Variants in RFC5 observed in about 807,000 individuals in gnomAD.
RFC5 encodes replication factor C subunit 5, also known as A1 36 kDa subunit.
Under a neutral mutation model 44.3 loss-of-function variants are expected in RFC5, and 26 were observed. The ratio of observed to expected loss-of-function variants is 0.59; its 90% CI spans 0.43 to 0.81. RFC5 has a LOEUF of 0.81. Among genes scored for constraint, RFC5 ranks in the 40% least tolerant of loss-of-function variants. The pLI, the probability that RFC5 is intolerant of heterozygous loss-of-function variation, is 0.00. For missense variants in RFC5, 328 were observed against 418.6 expected (o/e 0.78, Z 1.89); for synonymous variants, 155 against 155.2 (o/e 1.00, Z 0.01).
intron 6 of RFC5, 67 bp downstream of exon 6, chr12:118,025,077 T>C: frequency 6.7e-7 from 1 of 1,502,908 alleles, no homozygotes. Flanking sequence ...CACTGGCTGG[T>C]TCGTATGTAG....
At chr12:118,034,539 AT>A, downstream of RFC5, 1 of 682,200 alleles carries the variant, frequency 1.5e-6, no homozygotes, top group Non-Finnish European at 2.3e-6. Context: ...TGCTGATAGG[AT>A]TAGAAAAACT....
downstream of RFC5, chr12:118,035,324 G>A: frequency 6.2e-7 from 1 of 1,613,876 alleles, no homozygotes; most frequent in Non-Finnish European, 8.5e-7. Context: ...CCTGGGTGTG[G>A]CTGGGAAGGA....
chr12:118,027,268 A>G, intron 8 of RFC5: 1 of 468,866 alleles, frequency 2.1e-6, no homozygotes, highest in South Asian at 2.9e-5. Flanking sequence ...AGATGGGAGA[A>G]AAGCTTAGGC....
chr12:118,020,112 C>T (rs1351025838), intron 3 of RFC5, among the ~76,000 whole-genome samples: 1 of 152,214 alleles, frequency 6.6e-6, no homozygotes, highest in Non-Finnish European at 1.5e-5. Context: ...GAAGGCTGAG[C>T]CCTACTGACT....
At chr12:118,023,507 G>A (rs541744620) in intron 5 of RFC5, among the ~76,000 whole-genome samples, 58 of 137,876 alleles carry the variant, frequency 4.2e-4, no homozygotes, top group Non-Finnish European at 7.0e-4. Context: ...GGAGAGGTGG[G>A]GGAGGAGGAG....
chr12:118,028,503 A>AAC (rs2031107880), intron 9 of RFC5, among the ~76,000 whole-genome samples: 3 of 151,758 alleles, frequency 2.0e-5, no homozygotes, highest in South Asian at 2.1e-4. Flanking sequence ...AACAAAACAA[A>AAC]ACACAAAAAA....
intron 10 of RFC5, among the ~76,000 whole-genome samples, chr12:118,030,830 TG>T (rs1212972749): frequency 6.6e-6 from 1 of 152,164 alleles, no homozygotes; most frequent in African/African-American, 2.4e-5. Flanking sequence ...TTGTTTGTTT[TG>T]TAGAGACGGG....
chr12:118,025,684 T>G, intron 6 of RFC5, 63 bp from the exon 7 acceptor site: 1 of 908,848 alleles, frequency 1.1e-6, no homozygotes, highest in Non-Finnish European at 1.9e-6. Flanking sequence ...GCCATCTTGT[T>G]CCTTTGGTGA....
chr12:118,021,077 T>C, intron 4 of RFC5, 92 bp downstream of exon 4: 1 of 703,546 alleles, frequency 1.4e-6, no homozygotes, highest in East Asian at 2.8e-5. Flanking sequence ...CCAGTTTATA[T>C]GGGTTGAAAA....
At chr12:118,017,892 T>A in intron 1 of RFC5, 2 of 672,300 alleles carry the variant, frequency 3.0e-6, no homozygotes, top group Non-Finnish European at 5.4e-6. Flanking sequence ...GAATGCAGTG[T>A]ACTGTTGTGG....
chr12:118,029,852 T>A, intron 10 of RFC5, 27 bp downstream of exon 10: 1 of 1,508,910 alleles, frequency 6.6e-7, no homozygotes, highest in Non-Finnish European at 9.2e-7. Context: ...CCAGTTTTAA[T>A]TCTTTTCTTC....
chr12:118,038,483 G>A, the RFC5 span: 2 of 1,147,660 alleles, frequency 1.7e-6, no homozygotes, highest in Non-Finnish European at 2.5e-6. Context: ...CCCCAGCCCA[G>A]TATACCCATC....
the RFC5 span, among the ~76,000 whole-genome samples, chr12:118,040,003 C>A: frequency 6.6e-6 from 1 of 151,950 alleles, no homozygotes; most frequent in African/African-American, 2.4e-5. Context: ...GCCTTGGCCT[C>A]CCAAAGTGCT....
chr12:118,025,934 C>T (rs924010838), intron 7 of RFC5, 106 bp downstream of exon 7: 6 of 691,792 alleles, frequency 8.7e-6, no homozygotes, highest in Admixed American at 6.6e-5. Context: ...CTGCAACCTC[C>T]GCCTCCTGGG....
chr12:118,029,843 C>T lies in RFC5; in HGVS notation c.926+18C>T, dbSNP rs1339766099. ...GACATTGAGTGAGTACTTCTTGCCC[C>T]AGTTTTAATTCTTTTCTTCCTTTTT... is the stretch of plus-strand genomic sequence containing the variant. On this transcript the variant is annotated intron_variant, in intron 10 of 10. Coordinates refer to ENST00000454402, the MANE Select transcript of RFC5 (RefSeq NM_007370.7). 1.3e-6 allele frequency: 2 copies of T among 1,543,214 alleles called. No homozygotes were observed. The highest frequency in any genetic ancestry group is 2.2e-5 in the East Asian group (1 of 44,608).
chr12:118,025,123 C>CCTCCCCTGTG, intron 6 of RFC5, 113 bp downstream of exon 6: 3 of 965,816 alleles, frequency 3.1e-6, no homozygotes, highest in Non-Finnish European at 4.6e-6. Flanking sequence ...TTGCAGAGTG[C>CCTCCCCTGTG]CTAGCACAGG....
At chr12:118,034,776 T>TA (rs1317426045), downstream of RFC5, 8 of 577,076 alleles carry the variant, frequency 1.4e-5, no homozygotes, top group Admixed American at 1.6e-4. Context: ...TGGCATGACT[T>TA]ACAGATCTTT....
the RFC5 span, among the ~76,000 whole-genome samples, chr12:118,038,956 A>T: frequency 6.6e-6 from 1 of 152,148 alleles, no homozygotes; most frequent in African/African-American, 2.4e-5. Flanking sequence ...AATTGCATTA[A>T]AGGTTTCCTC....
At chr12:118,033,577 G>A (rs531283043), downstream of RFC5, 1 of 149,084 alleles carries the variant, frequency 6.7e-6, no homozygotes, top group South Asian at 2.1e-4. Context: ...CAGTAATAGT[G>A]TCTGGATCGG....
Sources: gnomAD v4.1 joint callset for allele counts (sites outside exome capture counted in the v4.1 genomes callset) on GRCh38, gnomAD v4.1.1 for gene constraint, MANE v1.5 for transcripts, NCBI Gene and HGNC (gene_info 2026-07-23, HGNC 2026-07-21) for gene names.